Variants in NAF1 observed in about 807,000 individuals in gnomAD.
NAF1 encodes H/ACA ribonucleoprotein complex non-core subunit NAF1.
NAF1 carries 11 observed loss-of-function variants against 40.6 expected under a neutral mutation model. The ratio of observed to expected loss-of-function variants is 0.27; its 90% CI spans 0.17 to 0.45. NAF1 has a LOEUF of 0.45. Ranked by LOEUF, NAF1 falls within the 20% of genes least tolerant of loss-of-function variation. The pLI is 1.00. For synonymous variants in NAF1, 260 were observed against 228.5 expected (o/e 1.14, Z -1.24); for missense variants, 607 against 611.1 (o/e 0.99, Z 0.07).
intron 4 of NAF1, among the ~76,000 whole-genome samples, chr4:163,140,917 T>C (rs1045320368): frequency 6.6e-6 from 1 of 152,198 alleles, no homozygotes. Flanking sequence ...TATTTATGTT[T>C]AAAAAACACA....
At chr4:163,160,161 G>C (rs559348316) in intron 2 of NAF1, among the ~76,000 whole-genome samples, 2 of 152,242 alleles carry the variant, frequency 1.3e-5, no homozygotes, top group African/African-American at 4.8e-5. Context: ...TACAGTGACT[G>C]TGTAGGTTAT....
At chr4:163,152,712 C>T (rs1041155997) in intron 2 of NAF1, among the ~76,000 whole-genome samples, 5 of 152,242 alleles carry the variant, frequency 3.3e-5, no homozygotes, top group Non-Finnish European at 5.9e-5. Context: ...GCTCACTCTC[C>T]GCGCCTCCTC....
downstream of NAF1, among the ~76,000 whole-genome samples, chr4:163,123,453 C>T (rs1475018256): frequency 2.0e-5 from 3 of 152,190 alleles, no homozygotes; most frequent in Admixed American, 1.3e-4. Flanking sequence ...GTGATCATAG[C>T]TCATTGGAGC....
chr4:163,109,391 C>T (rs1730103577), downstream of NAF1, among the ~76,000 whole-genome samples: 1 of 151,990 alleles, frequency 6.6e-6, no homozygotes, highest in Admixed American at 6.6e-5. Flanking sequence ...CTAATATTAT[C>T]TACCTATGCT....
At chr4:163,113,962 T>C (rs1324408612) in intron 2 of NAF1, among the ~76,000 whole-genome samples, 3 of 152,210 alleles carry the variant, frequency 2.0e-5, no homozygotes, top group Non-Finnish European at 4.4e-5. Flanking sequence ...TCACTTCTAT[T>C]ACCAAAAACT....
chr4:163,108,849 T>G (rs1312194954), downstream of NAF1: 1 of 152,202 alleles, frequency 6.6e-6, no homozygotes, highest in Admixed American at 6.5e-5. Flanking sequence ...ACATATCTTC[T>G]TGAGAAGCCA....
chr4:163,160,781 C>T (rs1732186347), intron 2 of NAF1, among the ~76,000 whole-genome samples: 1 of 152,136 alleles, frequency 6.6e-6, no homozygotes, highest in African/African-American at 2.4e-5. Context: ...CTGTTTGGCA[C>T]ACTTTAATTT....
chr4:163,166,621 G>A lies in NAF1; in HGVS notation c.107C>T (p.Pro36Leu), dbSNP rs1579199241. The A allele has an allele frequency of 1.2e-6, 2 of 1,611,412 alleles. No homozygotes were observed. The highest frequency in any genetic ancestry group is 1.7e-6 in the Non-Finnish European group (2 of 1,179,520). Residue 36 changes from proline (P) to leucine (L), a missense_variant, in exon 1 of 8, where the codon CCT becomes CTT. Pro to Leu is a moderately conservative substitution (Grantham distance 98). Around this residue, in one of 3 missense-constraint regions of NAF1, gnomAD observed 407 missense variants for 365.5 expected, o/e 1.11. Coordinates refer to ENST00000274054, the MANE Select transcript of NAF1 (RefSeq NM_138386.3). The part of the protein sequence containing the change: ...GPAAPSPGSA[P>L]VPGTQPPLQS... The stretch of plus-strand genomic sequence containing the variant: ...TAGCGGCGGCTGTGTCCCTGGCACA[G>A]GGGCAGAGCCCGGAGACGGAGCCGC...
downstream of NAF1, among the ~76,000 whole-genome samples, chr4:163,125,311 C>G (rs1728962314): frequency 6.6e-6 from 1 of 152,160 alleles, no homozygotes; most frequent in South Asian, 2.1e-4. Context: ...CTGAGGCAAA[C>G]TAAAAGCTAG....
At chr4:163,155,087 T>C (rs1296176666) in intron 2 of NAF1, among the ~76,000 whole-genome samples, 1 of 152,166 alleles carries the variant, frequency 6.6e-6, no homozygotes, top group Non-Finnish European at 1.5e-5. Flanking sequence ...GACAAGGTAA[T>C]ATAAGATTTT....
intron 2 of NAF1, among the ~76,000 whole-genome samples, chr4:163,120,429 T>G (rs1730484516): frequency 6.6e-6 from 1 of 152,252 alleles, no homozygotes; most frequent in African/African-American, 2.4e-5. Flanking sequence ...GAAACAATGT[T>G]TGGCCCATCT....
At chr4:163,112,210 TTCTC>T (rs1213859472) in intron 2 of NAF1, among the ~76,000 whole-genome samples, 4 of 151,586 alleles carry the variant, frequency 2.6e-5, no homozygotes, top group South Asian at 2.1e-4. Context: ...ATTGCTAGAG[TTCTC>T]TCTCTCAGTA....
intron 2 of NAF1, among the ~76,000 whole-genome samples, 196 bp downstream of exon 2, chr4:163,164,021 T>C (rs535407548): frequency 2.0e-5 from 3 of 152,156 alleles, no homozygotes; most frequent in African/African-American, 7.2e-5. Context: ...GTCAGCAGAG[T>C]TAGAAGCAAC....
rs750492466 is a variant in NAF1, at chr4:163,164,325, G to C, written c.432C>G (p.Ser144=). Residue 144 remains serine, a synonymous_variant, in exon 2 of 8, where the codon TCC becomes TCG. Coordinates refer to ENST00000274054, the MANE Select transcript of NAF1 (RefSeq NM_138386.3). ...GCACTGGAGGAAGTGATATACAAGA[G>C]GAAGAAGACGACGATGAGGAAGATG... The part of the protein sequence containing the change: ...SSSSSSSSSS[S]SCISLPPVLS... 7 of 1,601,206 alleles carry C rather than the reference G, an allele frequency of 4.4e-6. No homozygotes were observed. The highest frequency in any genetic ancestry group is 5.1e-6 in the Non-Finnish European group (6 of 1,174,776).
downstream of NAF1, among the ~76,000 whole-genome samples, chr4:163,109,440 T>C (rs1207571197): frequency 6.6e-6 from 1 of 152,106 alleles, no homozygotes; most frequent in South Asian, 2.1e-4. Context: ...TTTATTCACT[T>C]TGGGGAAAGA....
At chr4:163,115,610 TTTAA>T (rs145710037) in intron 2 of NAF1, among the ~76,000 whole-genome samples, 2,087 of 152,318 alleles carry the variant, frequency 0.014, 52 homozygotes, top group African/African-American at 0.044. Context: ...TTTTTATTTC[TTTAA>T]TTAAGTTTAT....
intron 2 of NAF1, among the ~76,000 whole-genome samples, chr4:163,112,714 G>C (rs1026285469): frequency 4.6e-5 from 7 of 152,166 alleles, no homozygotes; most frequent in Non-Finnish European, 7.4e-5. Flanking sequence ...TTTGTGAAGA[G>C]GGATGTGGAT....
rs114690540 is a variant in NAF1, at chr4:163,135,227, T to C, written c.931-1971A>G. Reference sequence around the variant, plus strand: ...GCAATGTTTCTCCTTTTTCTCTTTTTAAGTTTAAACCTCACAAATTTCTAA... The same window carrying C: ...GCAATGTTTCTCCTTTTTCTCTTTTCAAGTTTAAACCTCACAAATTTCTAA... On this transcript the variant is annotated intron_variant, in intron 6 of 7. Transcript: ENST00000274054. 169 of 152,312 alleles carry C rather than the reference T, an allele frequency of 1.1e-3. 1 individual carries two copies. The highest frequency in any genetic ancestry group is 3.7e-3 in the African/African-American group (154 of 41,568). The allele number at this position is 152,312 out of a possible 1,614,324, so 9.4% of individuals were successfully genotyped here.
At chr4:163,126,181 T>C (rs895303566), downstream of NAF1, among the ~76,000 whole-genome samples, 3 of 152,228 alleles carry the variant, frequency 2.0e-5, no homozygotes, top group African/African-American at 7.2e-5. Context: ...GTTTTGACTT[T>C]CAAGTCTTAT....
Sources: allele counts gnomAD v4.1 joint callset (sites outside exome capture counted in the v4.1 genomes callset), GRCh38; gene constraint gnomAD v4.1.1; regional missense constraint gnomAD v4.1.1; transcripts MANE v1.5; gene names NCBI Gene and HGNC (gene_info 2026-07-23, HGNC 2026-07-21).